Variants in ITSN1 observed in about 807,000 individuals in gnomAD.
The protein encoded by ITSN1 is intersectin 1.
A neutral mutation model predicts 239.8 loss-of-function variants in ITSN1; 58 were observed. That is an observed-to-expected ratio of 0.24 (90% CI 0.20 to 0.30). ITSN1 has a LOEUF of 0.30. ITSN1 is among the 10% of genes least tolerant of loss of function. The pLI, the probability that ITSN1 is intolerant of heterozygous loss-of-function variation, is 1.00. For missense variants in ITSN1, 1,558 were observed against 2,103.3 expected (o/e 0.74, Z 5.07); for synonymous variants, 780 against 770.8 (o/e 1.01, Z -0.20).
intron 1 of ITSN1, among the ~76,000 whole-genome samples, chr21:33,684,079 T>C (rs1356482448): frequency 6.6e-6 from 1 of 152,220 alleles, no homozygotes; most frequent in Non-Finnish European, 1.5e-5. Flanking sequence ...CATGCTATGT[T>C]TTATTTTTAT....
intron 16 of ITSN1, among the ~76,000 whole-genome samples, chr21:33,792,717 C>CT (rs2071237645): frequency 6.6e-6 from 1 of 152,128 alleles, no homozygotes; most frequent in Admixed American, 6.5e-5. Flanking sequence ...GCTTTCCAGT[C>CT]TTAGCCTTCT....
chr21:33,860,966 C>T (rs569010723), intron 31 of ITSN1, among the ~76,000 whole-genome samples: 1 of 152,164 alleles, frequency 6.6e-6, no homozygotes, highest in Non-Finnish European at 1.5e-5. Flanking sequence ...CTGCTGGCTT[C>T]CCTCCATCCC....
intron 1 of ITSN1, among the ~76,000 whole-genome samples, chr21:33,705,047 G>C (rs1291237920): frequency 6.7e-6 from 1 of 149,604 alleles, no homozygotes; most frequent in African/African-American, 2.5e-5. Flanking sequence ...GGAGGCAGAG[G>C]TTGCAGTGAG....
rs1313472353 is a variant in ITSN1 at position 33,895,555 on chromosome 21, G to T, written c.*7255G>T. On this transcript the variant is annotated 3_prime_UTR_variant, in exon 40 of 40. Coordinates refer to ENST00000381318, the MANE Select transcript of ITSN1 (RefSeq NM_003024.3). ...TGTGTCTACGTGTGTGTGCACGCAT[G>T]TGTGTGCGTGTATGTGTGCGTGTGT... 1 of 149,380 alleles carries T rather than the reference G, an allele frequency of 6.7e-6. No homozygotes were observed. 9.3% of individuals were successfully genotyped at this position (149,380 alleles called of 1,614,324 possible).
intron 31 of ITSN1, among the ~76,000 whole-genome samples, chr21:33,859,444 A>G (rs909531324): frequency 2.0e-4 from 29 of 146,890 alleles, no homozygotes; most frequent in Middle Eastern, 7.1e-3. Flanking sequence ...CAATTCTTAG[A>G]AAAAAAAAAA....
chr21:33,837,171 T>C, intron 29 of ITSN1: 1 of 1,351,354 alleles, frequency 7.4e-7, no homozygotes, highest in Non-Finnish European at 9.5e-7. Context: ...TTACCTTAGT[T>C]GCATGTGATC....
intron 22 of ITSN1, among the ~76,000 whole-genome samples, chr21:33,815,304 A>G (rs1004998327): frequency 6.6e-6 from 1 of 152,192 alleles, no homozygotes; most frequent in Non-Finnish European, 1.5e-5. Context: ...GGAGCTACTC[A>G]GCAGGAAATG....
At chr21:33,800,145 G>T (rs1036169273) in intron 19 of ITSN1, among the ~76,000 whole-genome samples, 2 of 152,022 alleles carry the variant, frequency 1.3e-5, no homozygotes, top group Admixed American at 1.3e-4. Flanking sequence ...TTAAAATTGA[G>T]TTGATAAAGA....
intron 21 of ITSN1, among the ~76,000 whole-genome samples, chr21:33,813,116 G>A (rs999022026): frequency 6.6e-6 from 1 of 152,080 alleles, no homozygotes; most frequent in East Asian, 1.9e-4. Flanking sequence ...ACCTTAAGTG[G>A]CACAGTATTG....
chr21:33,725,120 A>T (rs200373081), intron 4 of ITSN1, among the ~76,000 whole-genome samples: 35 of 118,646 alleles, frequency 2.9e-4, no homozygotes, highest in East Asian at 4.6e-4. Context: ...AAAAAAAAAA[A>T]TTTTTTTTTT....
intron 1 of ITSN1, among the ~76,000 whole-genome samples, chr21:33,659,229 A>G (rs781718364): frequency 6.6e-6 from 1 of 152,188 alleles, no homozygotes; most frequent in Non-Finnish European, 1.5e-5. Flanking sequence ...GTGAGTGCCT[A>G]TATTGCACAG....
intron 31 of ITSN1, among the ~76,000 whole-genome samples, chr21:33,861,900 C>T (rs894670008): frequency 6.7e-5 from 10 of 149,472 alleles, no homozygotes; most frequent in Admixed American, 2.0e-4. Flanking sequence ...GAGCTGAGAT[C>T]GCACCACTGC....
chr21:33,755,434 G>A (rs755612571), intron 8 of ITSN1, 37 bp downstream of exon 8: 1 of 1,106,032 alleles, frequency 9.0e-7, no homozygotes, highest in African/African-American at 1.6e-5. Context: ...TATGATCTTT[G>A]TTTTCAATGT....
intron 5 of ITSN1, among the ~76,000 whole-genome samples, chr21:33,738,934 A>G (rs1448545555): frequency 1.3e-5 from 2 of 152,168 alleles, no homozygotes; most frequent in Non-Finnish European, 2.9e-5. Flanking sequence ...AGCTGGGACT[A>G]CAGGCATGTA....
Position 33,772,400 on chromosome 21 carries a change from A to G in ITSN1, c.1305+77A>G. 3 of 1,482,792 alleles carry G rather than the reference A, an allele frequency of 2.0e-6. No individual in the cohort carries two copies. In the East Asian group the frequency reaches 7.4e-5, roughly 37 times the overall value. 91.9% of individuals were successfully genotyped at this position (1,482,792 alleles called of 1,614,324 possible). Reference sequence around the variant, plus strand: ...TCAGAATTATCCAAGTGATCTATTCACGCCATCTTTGTCTTTTTACAATTC... The same window carrying G: ...TCAGAATTATCCAAGTGATCTATTCGCGCCATCTTTGTCTTTTTACAATTC... On this transcript the variant is annotated intron_variant, in intron 12 of 39. Coordinates refer to ENST00000381318, the MANE Select transcript of ITSN1 (RefSeq NM_003024.3).
At chr21:33,885,546 C>G in intron 38 of ITSN1, 24 bp downstream of exon 38, 2 of 1,604,242 alleles carry the variant, frequency 1.2e-6, no homozygotes, top group Non-Finnish European at 1.7e-6. Flanking sequence ...GCGCCCCCGG[C>G]TCCTGCTTTG....
At chr21:33,785,710 G>GT (rs1284649519) in intron 16 of ITSN1, among the ~76,000 whole-genome samples, 7 of 152,106 alleles carry the variant, frequency 4.6e-5, no homozygotes, top group African/African-American at 1.7e-4. Flanking sequence ...ACTTATAATC[G>GT]TGATCTTCTG....
At chr21:33,811,299 T>G (rs1057037848) in intron 21 of ITSN1, 77 bp downstream of exon 21, 3 of 1,396,722 alleles carry the variant, frequency 2.1e-6, no homozygotes, top group African/African-American at 2.9e-5. Context: ...CTTAAGTATT[T>G]TCATAGTCTT....
chr21:33,820,227 T>C (rs560968277), intron 24 of ITSN1, among the ~76,000 whole-genome samples: 1 of 152,322 alleles, frequency 6.6e-6, no homozygotes, highest in South Asian at 2.1e-4. Context: ...AAATATTGTA[T>C]GGATGCCAAC....
Sources: gnomAD v4.1 joint callset for allele counts (sites outside exome capture counted in the v4.1 genomes callset) on GRCh38, gnomAD v4.1.1 for gene constraint, MANE v1.5 for transcripts, NCBI Gene and HGNC (gene_info 2026-07-23, HGNC 2026-07-21) for gene names.